Variants in NRG4 observed in about 807,000 individuals in gnomAD.
NRG4 encodes neuregulin 4, also known as pro-neuregulin-4, membrane-bound isoform.
Under a neutral mutation model 15.0 loss-of-function variants are expected in NRG4, and 10 were observed. The observed-to-expected ratio is 0.67, with a 90% CI of 0.41 to 1.13. The LOEUF is 1.13. Among genes scored for constraint, NRG4 ranks in the 50% most tolerant of loss-of-function variants. NRG4 has a pLI of 0.00. For missense variants in NRG4, 139 were observed against 140.2 expected, an observed-to-expected ratio of 0.99 and a Z score of 0.04; for synonymous variants, 41 against 50.1, an observed-to-expected ratio of 0.82 and a Z score of 0.77.
At chr15:76,027,842 A>G (rs775389940) in intron 5 of NRG4, among the ~76,000 whole-genome samples, 11 of 152,222 alleles carry the variant, frequency 7.2e-5, no homozygotes, top group Non-Finnish European at 1.6e-4. Context: ...TTTTACCACA[A>G]TGGATAAAAC....
chr15:76,010,769 T>C (rs2034781888), intron 2 of NRG4, among the ~76,000 whole-genome samples: 1 of 152,138 alleles, frequency 6.6e-6, no homozygotes, highest in Admixed American at 6.5e-5. Context: ...TCATCATATA[T>C]GGTTTTCCAC....
At chr15:76,015,106 G>A (rs555239368), upstream of NRG4, among the ~76,000 whole-genome samples, 5 of 152,134 alleles carry the variant, frequency 3.3e-5, no homozygotes, top group Admixed American at 3.3e-4. Flanking sequence ...CTTAGTAGCA[G>A]TTGTGAATGG....
chr15:76,005,525 A>G (rs1003273670), intron 3 of NRG4, among the ~76,000 whole-genome samples: 3 of 151,854 alleles, frequency 2.0e-5, no homozygotes, highest in Admixed American at 6.6e-5. Flanking sequence ...GCCTGTACTA[A>G]AAACACAAAA....
intron 4 of NRG4, among the ~76,000 whole-genome samples, chr15:76,038,020 C>G (rs1164374474): frequency 1.3e-5 from 2 of 152,174 alleles, no homozygotes; most frequent in Non-Finnish European, 2.9e-5. Context: ...CACAGGGAAA[C>G]TGATTCCTTG....
At chr15:75,957,631 G>A (rs1202437426) in intron 4 of NRG4, among the ~76,000 whole-genome samples, 2 of 151,948 alleles carry the variant, frequency 1.3e-5, no homozygotes, top group South Asian at 2.1e-4. Context: ...TAACATCTAC[G>A]GGTAACTTTC....
intron 5 of NRG4, among the ~76,000 whole-genome samples, chr15:76,029,621 T>C (rs547290976): frequency 6.6e-6 from 1 of 152,286 alleles, no homozygotes; most frequent in East Asian, 1.9e-4. Flanking sequence ...CAGCAGTATT[T>C]CTGTACATGG....
At chr15:75,986,677 A>G (rs1351821365) in intron 3 of NRG4, among the ~76,000 whole-genome samples, 2 of 152,202 alleles carry the variant, frequency 1.3e-5, no homozygotes, top group South Asian at 2.1e-4. Context: ...TGATTTTTGG[A>G]CCATATAAAT....
At chr15:75,975,051 A>G (rs1360554401) in intron 3 of NRG4, among the ~76,000 whole-genome samples, 4 of 152,176 alleles carry the variant, frequency 2.6e-5, no homozygotes, top group African/African-American at 7.2e-5. Flanking sequence ...GGGTGCATAC[A>G]TATTTAGGAT....
chr15:76,044,781 T>C (rs1454695060), intron 4 of NRG4, among the ~76,000 whole-genome samples: 2 of 144,784 alleles, frequency 1.4e-5, no homozygotes, highest in Non-Finnish European at 3.0e-5. Context: ...ACGGAGCTTG[T>C]AGTGAGCCGA....
chr15:76,041,993 A>G (rs764875471), intron 4 of NRG4, among the ~76,000 whole-genome samples: 14 of 152,320 alleles, frequency 9.2e-5, no homozygotes, highest in Non-Finnish European at 1.3e-4. Context: ...TTCTGACCAC[A>G]ATGGAATAAA....
intron 5 of NRG4, among the ~76,000 whole-genome samples, chr15:76,034,422 G>GA (rs2035551667): frequency 6.6e-6 from 1 of 152,134 alleles, no homozygotes; most frequent in African/African-American, 2.4e-5. Flanking sequence ...TAAGTCTCAG[G>GA]AGCATCTGCT....
exon 1 of NRG4, chr15:76,059,769 A>G (rs572555513): frequency 6.7e-6 from 1 of 148,814 alleles, no homozygotes; most frequent in Non-Finnish European, 1.5e-5. Context: ...GGTTTCCTAG[A>G]CAGCCGCGCC....
chr15:75,963,552 G>T (rs1011079635), intron 3 of NRG4, among the ~76,000 whole-genome samples: 1 of 152,006 alleles, frequency 6.6e-6, no homozygotes, highest in African/African-American at 2.4e-5. Flanking sequence ...GGCCGAGGCG[G>T]GCAGATCACG....
intron 5 of NRG4, among the ~76,000 whole-genome samples, chr15:76,019,180 C>G (rs1246833253): frequency 6.6e-6 from 1 of 152,160 alleles, no homozygotes; most frequent in African/African-American, 2.4e-5. Context: ...GCATCCCTCC[C>G]TCCACCAAGC....
chr15:76,026,785 A>G (rs2141935749), intron 5 of NRG4, among the ~76,000 whole-genome samples: 1 of 152,326 alleles, frequency 6.6e-6, no homozygotes, highest in Admixed American at 6.5e-5. Context: ...CCAATGGATT[A>G]AATACTCCAT....
Position 76,020,615 on chromosome 15 carries a change from C to CA in NRG4, c.-56-9330dup, listed in dbSNP as rs569633151. ...AATAGCTGATGAGAAAAAAAAATCA[C>CA]AAAAAAATCTTATAATGTTTTAAGA... On this transcript the variant is annotated intron_variant, in intron 5 of 8. Coordinates refer to the NRG4 transcript ENST00000563910. 1.7e-3 allele frequency among the ~76,000 whole-genome samples: 265 copies of CA among 152,164 alleles called. 1 individual carries two copies. The highest frequency in any genetic ancestry group is 6.0e-3 in the African/African-American group (247 of 41,496).
At chr15:75,988,183 T>C (rs1039490060) in intron 3 of NRG4, among the ~76,000 whole-genome samples, 4 of 152,126 alleles carry the variant, frequency 2.6e-5, no homozygotes, top group South Asian at 2.1e-4. Flanking sequence ...TTGACTGTTA[T>C]ACAACTCTTT....
intron 5 of NRG4, among the ~76,000 whole-genome samples, chr15:75,947,678 T>C (rs1187614088): frequency 6.6e-6 from 1 of 152,242 alleles, no homozygotes; most frequent in Non-Finnish European, 1.5e-5. Context: ...TGCTAGATAA[T>C]ATGGAAATTC....
chr15:76,005,197 A>C (rs2034552457), intron 3 of NRG4, among the ~76,000 whole-genome samples: 1 of 151,828 alleles, frequency 6.6e-6, no homozygotes. Context: ...AGACCAGCCT[A>C]GTCAACAGCA....
Sources: gnomAD v4.1 joint callset for allele counts (sites outside exome capture counted in the v4.1 genomes callset) on GRCh38, gnomAD v4.1.1 for gene constraint, MANE v1.5 for transcripts, NCBI Gene and HGNC (gene_info 2026-07-23, HGNC 2026-07-21) for gene names.